The following CLSTN2 variants were observed in gnomAD, a reference collection of about 807,000 sequenced individuals.
CLSTN2 encodes calsyntenin 2, also known as calsyntenin-2.
CLSTN2 carries 48 observed loss-of-function variants against 101.2 expected under a neutral mutation model. That is an observed-to-expected ratio of 0.47 (90% CI 0.38 to 0.60). The LOEUF (loss-of-function observed/expected upper bound fraction) is 0.60, where lower values mean the gene tolerates loss of function less well. Among genes scored for constraint, CLSTN2 ranks in the 20% least tolerant of loss-of-function variants. The pLI is 0.00. For synonymous variants in CLSTN2, 481 were observed against 463.6 expected, an observed-to-expected ratio of 1.04 and a Z score of -0.48; for missense variants, 1,160 against 1,238.2, an observed-to-expected ratio of 0.94 and a Z score of 0.95.
chr3:140,336,070 C>A (rs753419058), intron 2 of CLSTN2, among the ~76,000 whole-genome samples: 1 of 152,050 alleles, frequency 6.6e-6, no homozygotes, highest in African/African-American at 2.4e-5. Flanking sequence ...ATGAAGGAGC[C>A]GATTACTGCT....
intron 2 of CLSTN2, among the ~76,000 whole-genome samples, chr3:140,266,378 A>C (rs2086693959): frequency 6.6e-6 from 1 of 152,228 alleles, no homozygotes; most frequent in Non-Finnish European, 1.5e-5. Flanking sequence ...AATTCATATT[A>C]TAAGATAGTA....
chr3:140,509,045 CTG>C (rs1934743908), intron 8 of CLSTN2, among the ~76,000 whole-genome samples: 1 of 152,080 alleles, frequency 6.6e-6, no homozygotes, highest in Non-Finnish European at 1.5e-5. Flanking sequence ...AAGAGGGAGA[CTG>C]GCATTTGCTG....
chr3:140,475,630 A>G (rs993921929), intron 8 of CLSTN2, among the ~76,000 whole-genome samples: 4 of 152,058 alleles, frequency 2.6e-5, no homozygotes, highest in African/African-American at 7.2e-5. Context: ...AGGTTATATC[A>G]CTGTTAAATC....
intron 2 of CLSTN2, among the ~76,000 whole-genome samples, chr3:140,216,506 C>T (rs1402304801): frequency 6.6e-6 from 1 of 152,180 alleles, no homozygotes; most frequent in African/African-American, 2.4e-5. Context: ...TTCTCCTCCC[C>T]TTTAAGCTTT....
chr3:140,502,653 G>A (rs1300918736), intron 8 of CLSTN2, among the ~76,000 whole-genome samples: 2 of 152,218 alleles, frequency 1.3e-5, no homozygotes, highest in South Asian at 4.1e-4. Context: ...TTCAGGGCAG[G>A]GGATGGGGTG....
At chr3:140,272,359 C>A (rs2086749791) in intron 2 of CLSTN2, among the ~76,000 whole-genome samples, 1 of 152,162 alleles carries the variant, frequency 6.6e-6, no homozygotes, top group Non-Finnish European at 1.5e-5. Context: ...TGAATAAAGT[C>A]AGCAATTGAT....
At chr3:140,303,958 G>A (rs2087086806) in intron 2 of CLSTN2, among the ~76,000 whole-genome samples, 1 of 151,944 alleles carries the variant, frequency 6.6e-6, no homozygotes, top group Non-Finnish European at 1.5e-5. Flanking sequence ...CTGATTTTAA[G>A]CAAGTTACTT....
intron 2 of CLSTN2, among the ~76,000 whole-genome samples, chr3:140,231,171 G>A (rs2086368442): frequency 6.6e-6 from 1 of 152,038 alleles, no homozygotes; most frequent in Non-Finnish European, 1.5e-5. Flanking sequence ...TTAAGTAAGG[G>A]AGGTCTCAGC....
At chr3:139,960,799 A>T (rs911798700) in intron 1 of CLSTN2, among the ~76,000 whole-genome samples, 33 of 152,164 alleles carry the variant, frequency 2.2e-4, no homozygotes, top group Admixed American at 1.9e-3. Flanking sequence ...CTCTTGAGAT[A>T]AGGGGGCAGG....
chr3:140,437,771 T>G (rs1028606271), intron 5 of CLSTN2, among the ~76,000 whole-genome samples: 1 of 152,260 alleles, frequency 6.6e-6, no homozygotes, highest in Non-Finnish European at 1.5e-5. Flanking sequence ...TTAATGTAAT[T>G]TTTAAAAATT....
intron 2 of CLSTN2, among the ~76,000 whole-genome samples, chr3:140,383,426 T>C (rs2088014327): frequency 6.6e-6 from 1 of 152,210 alleles, no homozygotes; most frequent in Non-Finnish European, 1.5e-5. Context: ...ATTCTAAGCT[T>C]ATCGTGGAAG....
intron 2 of CLSTN2, among the ~76,000 whole-genome samples, chr3:140,250,498 G>T (rs1043564798): frequency 6.6e-6 from 1 of 152,212 alleles, no homozygotes; most frequent in Non-Finnish European, 1.5e-5. Context: ...AGGGAAAAAT[G>T]TGAACAATCT....
intron 2 of CLSTN2, among the ~76,000 whole-genome samples, chr3:140,238,402 C>G (rs7643993): frequency 2.3e-5 from 2 of 86,810 alleles, no homozygotes; most frequent in Non-Finnish European, 4.7e-5. Flanking sequence ...ATTTTAGGAA[C>G]ATTCCTGCAC....
At chr3:140,493,991 T>C (rs1318805127) in intron 8 of CLSTN2, among the ~76,000 whole-genome samples, 2 of 152,220 alleles carry the variant, frequency 1.3e-5, no homozygotes, top group African/African-American at 2.4e-5. Flanking sequence ...TCACAGAATG[T>C]CTTTTTTTGA....
chr3:140,485,343 G>A (rs1007324306), intron 8 of CLSTN2, among the ~76,000 whole-genome samples: 11 of 152,212 alleles, frequency 7.2e-5, no homozygotes, highest in Non-Finnish European at 1.5e-4. Context: ...GTACCCAGCC[G>A]TGTGAGGTGT....
At chr3:139,984,288 T>C (rs1003940071) in intron 1 of CLSTN2, among the ~76,000 whole-genome samples, 1 of 152,144 alleles carries the variant, frequency 6.6e-6, no homozygotes, top group African/African-American at 2.4e-5. Context: ...AGGCTGCAGG[T>C]GGTCAGTATC....
At chr3:139,986,149 C>T (rs949588687) in intron 1 of CLSTN2, among the ~76,000 whole-genome samples, 1 of 152,086 alleles carries the variant, frequency 6.6e-6, no homozygotes, top group African/African-American at 2.4e-5. Context: ...AGCGAGGAAA[C>T]AGTCATAGCT....
intron 2 of CLSTN2, among the ~76,000 whole-genome samples, chr3:140,254,758 C>T (rs947442166): frequency 3.3e-5 from 5 of 152,124 alleles, no homozygotes; most frequent in African/African-American, 1.2e-4. Context: ...CCATTTAGGA[C>T]CTCAGTCCTG....
At chr3:140,109,943 G>A (rs527383164) in intron 1 of CLSTN2, among the ~76,000 whole-genome samples, 1 of 151,986 alleles carries the variant, frequency 6.6e-6, no homozygotes, top group Non-Finnish European at 1.5e-5. Flanking sequence ...AGCACCCCAG[G>A]TTTCCTTGAT....
Sources: gnomAD v4.1 joint callset for allele counts (sites outside exome capture counted in the v4.1 genomes callset) on GRCh38, gnomAD v4.1.1 for gene constraint, MANE v1.5 for transcripts, NCBI Gene and HGNC (gene_info 2026-07-23, HGNC 2026-07-21) for gene names.